The following SYNE2 variants were observed in gnomAD, a reference collection of about 807,000 sequenced individuals.
The protein encoded by SYNE2 is spectrin repeat containing nuclear envelope protein 2, also known as nesprin-2.
A neutral mutation model predicts 856.3 loss-of-function variants in SYNE2; 431 were observed. The observed-to-expected ratio is 0.50, with a 90% CI of 0.47 to 0.55. The LOEUF is 0.55. Ranked by LOEUF, SYNE2 falls within the 20% of genes least tolerant of loss-of-function variation. The probability of loss-of-function intolerance (pLI) is 0.00; values close to 1 mark genes in which losing one functional copy is unlikely to be tolerated. For synonymous variants in SYNE2, 2,923 were observed against 2,872.3 expected (o/e 1.02, Z -0.56); for missense variants, 8,129 against 8,023.2 (o/e 1.01, Z -0.50).
rs374766665 is a variant in SYNE2 at position 64,055,984 on chromosome 14, A to G, written c.9785A>G (p.Lys3262Arg). Residue 3262 changes from lysine (K) to arginine (R), a missense_variant, in exon 49 of 116, where the codon AAA (lysine) becomes AGA (arginine). Lys to Arg is a conservative substitution (Grantham distance 26). This residue lies in a region of SYNE2 where 5,410 missense variants were observed against 5,284.8 expected (regional missense o/e 1.02). Coordinates refer to ENST00000555002, the MANE Select transcript of SYNE2 (RefSeq NM_182914.3). Reference sequence around the variant, plus strand: ...GCTTATGAAAATCTAACACGCTATAAAGAAGCAGTCACCAGGGCAGTGGAG... The same window carrying G: ...GCTTATGAAAATCTAACACGCTATAGAGAAGCAGTCACCAGGGCAGTGGAG... ...NDAYENLTRY[K>R]EAVTRAVESI... 4.2e-5 allele frequency: 68 copies of G among 1,613,956 alleles called. No individual in the cohort carries two copies. The African/African-American group carries it at 8.9e-4, about 21-fold the overall frequency.
intron 51 of SYNE2, among the ~76,000 whole-genome samples, chr14:64,066,019 T>C (rs2097356273): frequency 6.6e-6 from 1 of 152,206 alleles, no homozygotes; most frequent in Non-Finnish European, 1.5e-5. Context: ...ATTTTGAAAT[T>C]ATCTATAATT....
chr14:63,862,485 T>A (rs551127163), intron 1 of SYNE2, among the ~76,000 whole-genome samples: 1 of 152,308 alleles, frequency 6.6e-6, no homozygotes, highest in African/African-American at 2.4e-5. Flanking sequence ...ATCCTCCTGC[T>A]TTAGCCTCCT....
At chr14:64,215,464 C>T (rs2098661851) in intron 107 of SYNE2, 110 bp downstream of exon 107, 11 of 1,056,928 alleles carry the variant, frequency 1.0e-5, no homozygotes, top group Admixed American at 1.7e-5. Flanking sequence ...GGACACCATG[C>T]GCCTTGGTCC....
At chr14:64,102,995 A>G (rs1165650166) in intron 64 of SYNE2, among the ~76,000 whole-genome samples, 1 of 152,118 alleles carries the variant, frequency 6.6e-6, no homozygotes, top group East Asian at 1.9e-4. Flanking sequence ...TTCTTTTTGA[A>G]GGCTGGCTAG....
rs1177872028 is a variant in SYNE2 at position 64,052,733 on chromosome 14, C to T, written c.8820C>T (p.His2940=). The T allele has an allele frequency of 1.2e-6, 2 of 1,613,352 alleles. No individual in the cohort carries two copies. Among genetic ancestry groups the T allele is most frequent in the Non-Finnish European group, 1.7e-6 (2 of 1,179,632 alleles). The change falls in exon 48 of 116, where the codon CAC becomes CAT. Residue 2940 remains histidine, a synonymous_variant. Transcript: ENST00000555002. ...FIQNTCNEVE[H]KIKFCRQFHE... ...AGAATACATGTAATGAAGTGGAACA[C>T]AAGATAAAGTTTTGCAGACAATTCC...
chr14:64,205,386 T>C (rs1029065730), intron 100 of SYNE2, among the ~76,000 whole-genome samples: 74 of 152,224 alleles, frequency 4.9e-4, no homozygotes, highest in Non-Finnish European at 7.2e-4. Flanking sequence ...AAAAGAATTA[T>C]GTATGGGCCA....
Position 64,087,731 on chromosome 14 carries a change from G to A in SYNE2, c.11545G>A (p.Glu3849Lys). ...TTTACATTCAATCTTTATGGATCTA[G>A]AAGACCTGTCAATAATTTTTGAAAC... Reference protein sequence around the residue: ...NLLHSIFMDLEDLSIIFETDE... With the variant: ...NLLHSIFMDLKDLSIIFETDE... Residue 3849 changes from glutamate to lysine, a missense_variant, in exon 58 of 116, where the codon GAA becomes AAA. Glu to Lys is a moderately conservative substitution (Grantham distance 56). This residue lies in a region of SYNE2 where 5,410 missense variants were observed against 5,284.8 expected (regional missense o/e 1.02). Coordinates refer to ENST00000555002, the MANE Select transcript of SYNE2 (RefSeq NM_182914.3). The A allele has an allele frequency of 5.6e-6, 9 of 1,614,096 alleles. No individual in the cohort carries two copies. Among genetic ancestry groups the A allele is most frequent in the Non-Finnish European group, 7.6e-6 (9 of 1,180,010 alleles).
At chr14:63,799,912 T>A (rs1888068168) in intron 1 of SYNE2, among the ~76,000 whole-genome samples, 1 of 152,210 alleles carries the variant, frequency 6.6e-6, no homozygotes, top group Non-Finnish European at 1.5e-5. Flanking sequence ...TGATCCAGAC[T>A]GATCTTATCC....
intron 1 of SYNE2, among the ~76,000 whole-genome samples, chr14:63,839,357 G>A (rs928444338): frequency 2.0e-5 from 3 of 152,004 alleles, no homozygotes; most frequent in African/African-American, 4.8e-5. Context: ...CCAGTCTAAC[G>A]GGTAAAAACG....
intron 45 of SYNE2, among the ~76,000 whole-genome samples, chr14:64,040,291 T>C (rs1482633171): frequency 1.3e-5 from 2 of 152,052 alleles, no homozygotes; most frequent in African/African-American, 4.8e-5. Flanking sequence ...AGTGAGATAA[T>C]GCAGCAATCT....
intron 34 of SYNE2, among the ~76,000 whole-genome samples, 186 bp downstream of exon 34, chr14:64,017,942 G>T (rs1405993870): frequency 2.0e-5 from 3 of 152,168 alleles, no homozygotes; most frequent in Non-Finnish European, 2.9e-5. Flanking sequence ...GAAAGTATGG[G>T]ATTTAGTAAG....
In SYNE2 at chr14:64,065,689, CAT is replaced by C. The variant is rs559603549; in HGVS notation, c.10431+40_10431+41del. The C allele has an allele frequency of 4.1e-4, 654 of 1,604,678 alleles. 1 individual carries two copies. The highest frequency in any genetic ancestry group is 5.1e-4 in the Admixed American group (30 of 59,176). ...TTTCAACAAACCATGTAGTTTCTAA[CAT>C]GTTATTTAAATTGTTTTATTACTTT... is the stretch of plus-strand genomic sequence containing the variant. On this transcript the variant is annotated intron_variant, in intron 51 of 115. Coordinates refer to ENST00000555002, the MANE Select transcript of SYNE2 (RefSeq NM_182914.3).
At chr14:64,067,841 C>T (rs908661991) in intron 51 of SYNE2, among the ~76,000 whole-genome samples, 7 of 152,282 alleles carry the variant, frequency 4.6e-5, no homozygotes, top group African/African-American at 1.4e-4. Flanking sequence ...GCTAGAAGAA[C>T]GTCACATTGT....
At chr14:63,974,890 GTGTATA>G (rs1438083931) in intron 11 of SYNE2, among the ~76,000 whole-genome samples, 9 of 27,500 alleles carry the variant, frequency 3.3e-4, no homozygotes, top group African/African-American at 9.5e-4. Context: ...GTGTGTGTGT[GTGTATA>G]TATATATATA....
In SYNE2 at chr14:64,031,339, A is replaced by G; in HGVS notation, c.7203A>G (p.Glu2401=). 2 of 1,614,090 alleles carry G rather than the reference A, an allele frequency of 1.2e-6. No individual in the cohort carries two copies. The highest frequency in any genetic ancestry group is 1.7e-6 in the Non-Finnish European group (2 of 1,180,008). ...CAGCTGCAGTGGAAAAGTTGGAGGA[A>G]GACTGGGAAATAAACAAGGTAAGTG... is the stretch of plus-strand genomic sequence containing the variant. ...QESAAVEKLE[E]DWEINKDSAV... Residue 2401 remains glutamate, a synonymous_variant, in exon 45 of 116, where the codon GAA becomes GAG. Coordinates refer to ENST00000555002, the MANE Select transcript of SYNE2 (RefSeq NM_182914.3).
intron 1 of SYNE2, among the ~76,000 whole-genome samples, chr14:63,888,364 G>A (rs1042807888): frequency 1.3e-5 from 2 of 152,138 alleles, no homozygotes; most frequent in African/African-American, 4.8e-5. Flanking sequence ...GCCAGCAGCT[G>A]TGTGTGCTGG....
At chr14:64,192,226 G>T (rs200441524) in intron 99 of SYNE2, among the ~76,000 whole-genome samples, 1 of 151,998 alleles carries the variant, frequency 6.6e-6, no homozygotes, top group Non-Finnish European at 1.5e-5. Context: ...CAGTGCATTC[G>T]TTAAGAATAA....
chr14:63,967,617 A>G, intron 10 of SYNE2, 92 bp from the exon 11 acceptor site: 1 of 1,357,140 alleles, frequency 7.4e-7, no homozygotes, highest in East Asian at 2.5e-5. Context: ...AAACTTAAAT[A>G]TATCCTATAC....
intron 19 of SYNE2, among the ~76,000 whole-genome samples, chr14:63,987,832 A>G (rs534860238): frequency 3.2e-4 from 48 of 152,280 alleles, no homozygotes; most frequent in African/African-American, 1.1e-3. Context: ...CTATTAAGAA[A>G]GAATTAAGTA....
Sources: allele counts gnomAD v4.1 joint callset (sites outside exome capture counted in the v4.1 genomes callset), GRCh38; gene constraint gnomAD v4.1.1; regional missense constraint gnomAD v4.1.1; transcripts MANE v1.5; gene names NCBI Gene and HGNC (gene_info 2026-07-23, HGNC 2026-07-21).